ALDH5A1: variants seen among roughly 807,000 people sequenced by gnomAD.
The protein encoded by ALDH5A1 is succinate-semialdehyde dehydrogenase, mitochondrial.
A neutral mutation model predicts 54.7 loss-of-function variants in ALDH5A1; 33 were observed. The ratio of observed to expected loss-of-function variants is 0.60; its 90% CI spans 0.46 to 0.81. ALDH5A1 has a LOEUF of 0.81. Among genes scored for constraint, ALDH5A1 ranks in the 30% least tolerant of loss-of-function variants. The pLI is 0.00. For missense variants in ALDH5A1, 657 were observed against 711.0 expected (o/e 0.92, Z 0.86); for synonymous variants, 294 against 292.7 (o/e 1.00, Z -0.05).
At chr6:24,505,721 A>C (rs530252879) in intron 4 of ALDH5A1, among the ~76,000 whole-genome samples, 24 of 151,618 alleles carry the variant, frequency 1.6e-4, no homozygotes, top group Middle Eastern at 6.8e-3. Context: ...GTAATCTCAG[A>C]ACTATGGGAG....
At chr6:24,496,237 G>A (rs930671291) in intron 1 of ALDH5A1, among the ~76,000 whole-genome samples, 4 of 152,298 alleles carry the variant, frequency 2.6e-5, no homozygotes, top group Admixed American at 6.5e-5. Flanking sequence ...TCAGTTAAAC[G>A]AAAGAAGGAT....
rs987507114 is a variant in ALDH5A1 at position 24,536,665 on chromosome 6, A to G, written c.*2953A>G. On this transcript the variant is annotated 3_prime_UTR_variant, in exon 10 of 10. Coordinates refer to ENST00000357578, the MANE Select transcript of ALDH5A1 (RefSeq NM_001080.3). ...GAACTTCCCAGCGATGATAATGTAC[A>G]TGAAATTAGCCACGTAACAAGAGTC... 2 of 152,256 alleles carry G rather than the reference A, an allele frequency of 1.3e-5. No homozygotes were observed. The highest frequency in any genetic ancestry group is 2.4e-5 in the African/African-American group (1 of 41,474). 9.4% of individuals were successfully genotyped at this position (152,256 alleles called of 1,614,324 possible). A position where few individuals can be genotyped will look rare whatever the true frequency, so the allele number is the denominator to read the frequency against.
intron 6 of ALDH5A1, among the ~76,000 whole-genome samples, chr6:24,522,478 C>CGTGTGTGTTTGTGTGTGTGTGTGT (rs1759710255): frequency 7.4e-6 from 1 of 134,496 alleles, no homozygotes; most frequent in African/African-American, 2.6e-5. Context: ...TCTTTTCTTT[C>CGTGTGTGTTTGTGTGTGTGTGTGT]GTGTGTGTGT....
Position 24,532,127 on chromosome 6 carries a change from C to T in ALDH5A1, c.1352C>T (p.Thr451Ile). 1 of 1,614,112 alleles carries T rather than the reference C, an allele frequency of 6.2e-7. No individual in the cohort carries two copies. The highest frequency in any genetic ancestry group is 1.1e-5 in the South Asian group (1 of 91,084). Residue 451 changes from threonine to isoleucine, a missense_variant, in exon 9 of 10, where the codon ACA becomes ATA. By Grantham distance (89) the Thr-to-Ile change is moderately conservative (BLOSUM62 -1). Coordinates refer to ENST00000357578, the MANE Select transcript of ALDH5A1 (RefSeq NM_001080.3). ...TATCTTAACTTTGGCAGGTTCGATA[C>T]AGAGGAGGAGGCTATAGCAATCGCT... ...GPLAPVIKFD[T>I]EEEAIAIANA...
At chr6:24,501,151 A>C (rs1183621568) in intron 1 of ALDH5A1, among the ~76,000 whole-genome samples, 2 of 152,250 alleles carry the variant, frequency 1.3e-5, no homozygotes, top group Admixed American at 6.5e-5. Flanking sequence ...GATGTATATA[A>C]CATGATGTTA....
chr6:24,508,138 G>A (rs1258994776), intron 4 of ALDH5A1, among the ~76,000 whole-genome samples: 1 of 151,958 alleles, frequency 6.6e-6, no homozygotes, highest in Non-Finnish European at 1.5e-5. Context: ...GCTGAGGCGG[G>A]CAGATCACAA....
intron 1 of ALDH5A1, among the ~76,000 whole-genome samples, chr6:24,496,848 C>T (rs148980516): frequency 1.8e-3 from 272 of 152,254 alleles, no homozygotes; most frequent in African/African-American, 6.2e-3. Context: ...TTTAAAGACC[C>T]TATTTCCAAA....
At chr6:24,513,518 T>G (rs1410943283) in intron 4 of ALDH5A1, among the ~76,000 whole-genome samples, 1 of 152,218 alleles carries the variant, frequency 6.6e-6, no homozygotes, top group Non-Finnish European at 1.5e-5. Flanking sequence ...CTTCCTTGTG[T>G]ATCGTGTTCA....
intron 3 of ALDH5A1, among the ~76,000 whole-genome samples, chr6:24,504,610 A>G (rs1219984695): frequency 1.3e-5 from 2 of 152,272 alleles, no homozygotes; most frequent in African/African-American, 4.8e-5. Flanking sequence ...CTTCACAGAA[A>G]AAGTTGGCTG....
chr6:24,521,115 C>T (rs1245674006), intron 6 of ALDH5A1, among the ~76,000 whole-genome samples: 3 of 152,194 alleles, frequency 2.0e-5, no homozygotes, highest in Admixed American at 6.5e-5. Context: ...CTCGCTGTCC[C>T]GAGATGGAGG....
At chr6:24,501,785 C>T (rs1390701180) in intron 1 of ALDH5A1, among the ~76,000 whole-genome samples, 1 of 151,598 alleles carries the variant, frequency 6.6e-6, no homozygotes, top group Non-Finnish European at 1.5e-5. Flanking sequence ...GACCCTGTCT[C>T]AAAAACAAAC....
rs558710719 is a variant in ALDH5A1, at chr6:24,536,320, T to C, written c.*2608T>C. 14 of 152,308 alleles carry C rather than the reference T, an allele frequency of 9.2e-5. No homozygotes were observed. Among genetic ancestry groups the C allele is most frequent in the African/African-American group, 2.6e-4 (11 of 41,564 alleles). The allele number at this position is 152,308 out of a possible 1,614,324, so 9.4% of individuals were successfully genotyped here. On this transcript the variant is annotated 3_prime_UTR_variant, in exon 10 of 10. Coordinates refer to ENST00000357578, the MANE Select transcript of ALDH5A1 (RefSeq NM_001080.3). ...GGGCAGAAAATCAAAAGAAGAACAA[T>C]ATTTCATGACACCTGAAAATTCTAT...
chr6:24,533,179 T>C (rs1317189098), intron 9 of ALDH5A1, among the ~76,000 whole-genome samples: 4 of 152,168 alleles, frequency 2.6e-5, no homozygotes, highest in African/African-American at 9.7e-5. Context: ...CTAATGAATT[T>C]AACCTTATTT....
intron 4 of ALDH5A1, among the ~76,000 whole-genome samples, chr6:24,512,928 G>A (rs1339439625): frequency 6.6e-6 from 1 of 152,118 alleles, no homozygotes; most frequent in Non-Finnish European, 1.5e-5. Flanking sequence ...CACCTCAAGT[G>A]ATCCACCCAC....
At chr6:24,519,723 G>A (rs889436605) in intron 5 of ALDH5A1, among the ~76,000 whole-genome samples, 8 of 149,628 alleles carry the variant, frequency 5.3e-5, no homozygotes, top group Non-Finnish European at 1.0e-4. Flanking sequence ...AGCAGGTTAC[G>A]AAACGGTATA....
intron 1 of ALDH5A1, among the ~76,000 whole-genome samples, chr6:24,498,282 A>G (rs1469469430): frequency 6.6e-6 from 1 of 152,212 alleles, no homozygotes; most frequent in Non-Finnish European, 1.5e-5. Context: ...AGCGAACCCT[A>G]GGCTAGAAAT....
chr6:24,500,736 A>C (rs1764804018), intron 1 of ALDH5A1, among the ~76,000 whole-genome samples: 1 of 151,722 alleles, frequency 6.6e-6, no homozygotes. Context: ...CTTATTTACC[A>C]TAAGCAATAA....
chr6:24,513,243 T>G (rs547508765), intron 4 of ALDH5A1, among the ~76,000 whole-genome samples: 3 of 152,114 alleles, frequency 2.0e-5, no homozygotes, highest in Non-Finnish European at 4.4e-5. Flanking sequence ...TTTTTATTTT[T>G]TCGTAGAGAT....
Position 24,515,248 on chromosome 6 carries a change from G to A in ALDH5A1, c.808G>A (p.Ala270Thr). The A allele has an allele frequency of 6.2e-7, 1 of 1,613,530 alleles. No homozygotes were observed. The highest frequency in any genetic ancestry group is 1.3e-5 in the African/African-American group (1 of 74,866). ...SRKNAKEVGE[A>T]ICTDPLVSKI... The stretch of plus-strand genomic sequence containing the variant: ...AAAGAATGCCAAGGAAGTAGGGGAG[G>A]CAATTTGTACTGATCCTCTGGTGTC... Residue 270 changes from alanine (A) to threonine (T), a missense_variant, in exon 5 of 10, where the codon GCA becomes ACA. This residue lies in a region of ALDH5A1 where 425 missense variants were observed against 516.4 expected (regional missense o/e 0.82). Transcript: ENST00000357578.
Sources: gnomAD v4.1 joint callset for allele counts (sites outside exome capture counted in the v4.1 genomes callset) on GRCh38, gnomAD v4.1.1 for gene constraint, gnomAD v4.1.1 regional missense constraint, MANE v1.5 for transcripts, NCBI Gene and HGNC (gene_info 2026-07-23, HGNC 2026-07-21) for gene names.